DAB1: variants seen among roughly 807,000 people sequenced by gnomAD.
The protein encoded by DAB1 is DAB adaptor protein 1.
In DAB1, 15 loss-of-function variants were observed where a neutral mutation model predicts 64.6. The observed-to-expected ratio is 0.23, with a 90% CI of 0.16 to 0.36. The LOEUF (loss-of-function observed/expected upper bound fraction) is 0.36. DAB1 is among the 10% of genes least tolerant of loss of function. The pLI is 1.00. For missense variants in DAB1, 596 were observed against 706.7 expected (o/e 0.84, Z 1.78); for synonymous variants, 235 against 251.9 (o/e 0.93, Z 0.64).
intron 7 of DAB1, among the ~76,000 whole-genome samples, chr1:57,533,447 T>C (rs1043636794): frequency 1.3e-5 from 2 of 151,090 alleles, no homozygotes; most frequent in Non-Finnish European, 2.9e-5. Context: ...CTTAAAACAT[T>C]TACAGTAAAA....
At chr1:58,106,670 G>A (rs1651659091) in intron 5 of DAB1, among the ~76,000 whole-genome samples, 2 of 152,118 alleles carry the variant, frequency 1.3e-5, no homozygotes, top group Non-Finnish European at 2.9e-5. Context: ...CTCATACGTT[G>A]TAGATGTCTT....
intron 7 of DAB1, among the ~76,000 whole-genome samples, chr1:57,603,792 A>G (rs931649124): frequency 4.6e-5 from 7 of 152,156 alleles, no homozygotes; most frequent in Admixed American, 4.6e-4. Flanking sequence ...GATTAATTTC[A>G]TTGCCATGCT....
chr1:57,194,653 A>G (rs1009867225), intron 2 of DAB1, among the ~76,000 whole-genome samples: 1 of 152,216 alleles, frequency 6.6e-6, no homozygotes, highest in Non-Finnish European at 1.5e-5. Context: ...CCGCCTTTGC[A>G]CATCCCCAAC....
At chr1:57,669,362 T>C (rs1291318887) in intron 6 of DAB1, among the ~76,000 whole-genome samples, 1 of 152,180 alleles carries the variant, frequency 6.6e-6, no homozygotes, top group Non-Finnish European at 1.5e-5. Flanking sequence ...ACTATAAGAA[T>C]GTATACATTC....
At chr1:57,655,016 C>T (rs1009015198) in intron 6 of DAB1, among the ~76,000 whole-genome samples, 1 of 152,192 alleles carries the variant, frequency 6.6e-6, no homozygotes, top group African/African-American at 2.4e-5. Flanking sequence ...ATCATTTCTA[C>T]TCTGAAATAA....
chr1:58,451,620 T>A (rs1645137375), intron 3 of DAB1, among the ~76,000 whole-genome samples: 1 of 152,134 alleles, frequency 6.6e-6, no homozygotes, highest in African/African-American at 2.4e-5. Flanking sequence ...ATACATAAAG[T>A]TATTCCAAAA....
rs1175613411 is a variant in DAB1 at position 57,491,193 on chromosome 1, C to T, written n.625+158399G>A. 3.3e-5 allele frequency among the ~76,000 whole-genome samples: 5 copies of T among 152,300 alleles called. No homozygotes were observed. In the East Asian group the frequency reaches 9.7e-4, roughly 29 times the overall value. ...CCTGTAATCCCAGCACTTTGGGAGG[C>T]TGAGGCGGGTGGATCATGAGTTCAG... On this transcript the variant is annotated intron_variant and non_coding_transcript_variant, in intron 7 of 20. Coordinates refer to the DAB1 transcript ENST00000485760.
At chr1:57,921,039 G>A (rs1385801589) in intron 5 of DAB1, among the ~76,000 whole-genome samples, 3 of 152,116 alleles carry the variant, frequency 2.0e-5, no homozygotes, top group Non-Finnish European at 4.4e-5. Flanking sequence ...TACTGGAAAC[G>A]ACCTTAATGA....
chr1:57,807,981 G>A (rs1651443180), intron 6 of DAB1, among the ~76,000 whole-genome samples: 1 of 152,114 alleles, frequency 6.6e-6, no homozygotes, highest in African/African-American at 2.4e-5. Flanking sequence ...CAAAAGATGT[G>A]TTTGTTATTA....
intron 3 of DAB1, among the ~76,000 whole-genome samples, chr1:58,496,150 A>G (rs1645797532): frequency 6.6e-6 from 1 of 151,406 alleles, no homozygotes; most frequent in Non-Finnish European, 1.5e-5. Flanking sequence ...CCTTTTCAAT[A>G]TTCTTTCATT....
intron 4 of DAB1, chr1:58,228,900 A>C: frequency 1.9e-6 from 1 of 533,084 alleles, no homozygotes; most frequent in Non-Finnish European, 3.6e-6. Context: ...ACCTAACAAC[A>C]GCTGTAGTGT....
intron 7 of DAB1, among the ~76,000 whole-genome samples, chr1:57,510,436 C>T (rs1032806928): frequency 7.9e-5 from 12 of 152,164 alleles, no homozygotes; most frequent in African/African-American, 2.7e-4. Flanking sequence ...GAGCTTATGT[C>T]TTCTCTATCT....
intron 3 of DAB1, chr1:58,480,941 A>G (rs761684491): frequency 4.7e-6 from 4 of 848,376 alleles, no homozygotes. Flanking sequence ...TTCTTCATAT[A>G]TCTTGTGTCT....
At chr1:57,480,628 G>C (rs1365500902) in intron 7 of DAB1, among the ~76,000 whole-genome samples, 1 of 152,036 alleles carries the variant, frequency 6.6e-6, no homozygotes, top group African/African-American at 2.4e-5. Context: ...GGGATTACAG[G>C]CACATGCCAC....
intron 1 of DAB1, among the ~76,000 whole-genome samples, chr1:57,306,597 C>T (rs1674206167): frequency 6.7e-6 from 1 of 149,982 alleles, no homozygotes; most frequent in Non-Finnish European, 1.5e-5. Flanking sequence ...CCCCAGGCTC[C>T]TTGTCTGTTC....
At chr1:57,496,734 C>T (rs1343127368) in intron 7 of DAB1, among the ~76,000 whole-genome samples, 2 of 152,154 alleles carry the variant, frequency 1.3e-5, no homozygotes. Flanking sequence ...ATTTCAAATT[C>T]TCATTGATCA....
chr1:57,607,599 C>T (rs987495739), intron 7 of DAB1, among the ~76,000 whole-genome samples: 1 of 152,182 alleles, frequency 6.6e-6, no homozygotes, highest in Admixed American at 6.5e-5. Flanking sequence ...CATTGCATTG[C>T]TCCTACTTTA....
At chr1:57,964,326 A>G (rs968789614) in intron 5 of DAB1, among the ~76,000 whole-genome samples, 2 of 152,202 alleles carry the variant, frequency 1.3e-5, no homozygotes, top group Non-Finnish European at 2.9e-5. Flanking sequence ...AATTAAGTTA[A>G]GTGGGGAATG....
At chr1:57,012,459 G>A (rs1646293949) in intron 12 of DAB1, among the ~76,000 whole-genome samples, 1 of 152,178 alleles carries the variant, frequency 6.6e-6, no homozygotes, top group Non-Finnish European at 1.5e-5. Flanking sequence ...CTATGAAATA[G>A]CAGCACTGGC....
Sources: allele counts gnomAD v4.1 joint callset (sites outside exome capture counted in the v4.1 genomes callset), GRCh38; gene constraint gnomAD v4.1.1; transcripts MANE v1.5; gene names NCBI Gene and HGNC (gene_info 2026-07-23, HGNC 2026-07-21).